The following ANO3 variants were observed in gnomAD, a reference collection of about 807,000 sequenced individuals.
ANO3 encodes the protein anoctamin 3.
Under a neutral mutation model 144.8 loss-of-function variants are expected in ANO3, and 99 were observed. The ratio of observed to expected loss-of-function variants is 0.68; its 90% CI spans 0.58 to 0.81. The LOEUF is 0.81. ANO3 is among the 30% of genes least tolerant of loss of function. ANO3 has a pLI of 0.00. For missense variants in ANO3, 905 were observed against 1,202.2 expected (o/e 0.75, Z 3.66); for synonymous variants, 414 against 392.6 (o/e 1.05, Z -0.64).
In ANO3 at chr11:26,542,142, A is replaced by G. The variant is rs1849662661; in HGVS notation, c.1154+74A>G. 6 of 1,516,888 alleles carry G rather than the reference A, an allele frequency of 4.0e-6. No homozygotes were observed. The South Asian group carries it at 5.2e-5, about 13-fold the overall frequency. 94.0% of individuals were successfully genotyped at this position (1,516,888 alleles called of 1,614,324 possible). A position where few individuals can be genotyped will look rare whatever the true frequency, so the allele number is the denominator to read the frequency against. ...CATTGTCTTAGACTTGGAATTATTTATTGTGCTCACCAGTGAGGATGCAGT... is the reference window on the plus strand; with the variant it reads ...CATTGTCTTAGACTTGGAATTATTTGTTGTGCTCACCAGTGAGGATGCAGT... On this transcript the variant is annotated intron_variant, in intron 11 of 26. Transcript: ENST00000256737.
intron 14 of ANO3, among the ~76,000 whole-genome samples, chr11:26,566,856 T>A (rs550302933): frequency 5.3e-4 from 81 of 152,072 alleles, no homozygotes; most frequent in African/African-American, 1.7e-3. Context: ...AGTTGCTTTA[T>A]CATCATTATA....
chr11:26,278,915 G>A (rs1055835469), intron 1 of ANO3, among the ~76,000 whole-genome samples: 15 of 152,138 alleles, frequency 9.9e-5, no homozygotes, highest in Admixed American at 6.6e-5. Context: ...TGTATACTAC[G>A]ATTCTTTTAT....
chr11:26,622,910 T>C (rs1369468868), intron 17 of ANO3, among the ~76,000 whole-genome samples: 3 of 152,238 alleles, frequency 2.0e-5, no homozygotes, highest in Non-Finnish European at 4.4e-5. Flanking sequence ...AACTCAGTGC[T>C]AGAGGCATAG....
chr11:26,242,032 T>C (rs1852674108), intron 1 of ANO3, among the ~76,000 whole-genome samples: 1 of 152,166 alleles, frequency 6.6e-6, no homozygotes, highest in African/African-American at 2.4e-5. Flanking sequence ...AACAGATGTA[T>C]AGTTTTCTGG....
In ANO3 at chr11:26,617,862, T is replaced by C. The variant is rs534361562; in HGVS notation, c.1837-6600T>C. Among the ~76,000 whole-genome samples the C allele has an allele frequency of 3.3e-4, 50 of 152,278 alleles. 1 individual carries two copies. Among genetic ancestry groups the C allele is most frequent in the African/African-American group, 1.1e-3 (45 of 41,570 alleles). On this transcript the variant is annotated intron_variant, in intron 17 of 26. Transcript: ENST00000256737. ...TTTCTATTCAGGATGTTAAAGCACA[T>C]CACAGATTACTAAATAGCCCTCTGA...
At chr11:26,316,837 T>C (rs1376986962) in intron 1 of ANO3, among the ~76,000 whole-genome samples, 1 of 152,204 alleles carries the variant, frequency 6.6e-6, no homozygotes, top group Non-Finnish European at 1.5e-5. Flanking sequence ...ATAGGCTCTC[T>C]GCAGGGGGAA....
At chr11:26,266,942 A>T (rs1853323514) in intron 1 of ANO3, among the ~76,000 whole-genome samples, 1 of 150,528 alleles carries the variant, frequency 6.6e-6, no homozygotes, top group Non-Finnish European at 1.5e-5. Flanking sequence ...AAAAAAAAAA[A>T]TTAGCCAGGC....
chr11:26,311,068 T>A (rs977255810), intron 1 of ANO3, among the ~76,000 whole-genome samples: 4 of 152,150 alleles, frequency 2.6e-5, no homozygotes, highest in Non-Finnish European at 1.5e-5. Context: ...AGAAAGGTGG[T>A]TTACGGAATG....
intron 1 of ANO3, among the ~76,000 whole-genome samples, chr11:26,413,381 G>A (rs1479121395): frequency 6.6e-6 from 1 of 151,878 alleles, no homozygotes; most frequent in Non-Finnish European, 1.5e-5. Flanking sequence ...AATATTTGAA[G>A]GTAAGGATGC....
chr11:26,237,528 T>C (rs1254079650), intron 1 of ANO3, among the ~76,000 whole-genome samples: 1 of 151,888 alleles, frequency 6.6e-6, no homozygotes, highest in East Asian at 1.9e-4. Flanking sequence ...ACAGTCATCA[T>C]AACACATAAA....
chr11:26,470,427 A>AG (rs1859739064), intron 4 of ANO3, among the ~76,000 whole-genome samples: 1 of 147,648 alleles, frequency 6.8e-6, no homozygotes, highest in Non-Finnish European at 1.5e-5. Context: ...AAAAAAAAAC[A>AG]GAAAAAAAAA....
At chr11:26,634,127 G>A (rs112846029) in intron 18 of ANO3, 77 bp from the exon 19 acceptor site, 9 of 732,488 alleles carry the variant, frequency 1.2e-5, no homozygotes, top group African/African-American at 5.4e-5. Flanking sequence ...CTTGAACTTG[G>A]GGTTTCTGCC....
At chr11:26,298,528 T>C (rs1854145039) in intron 1 of ANO3, among the ~76,000 whole-genome samples, 1 of 152,170 alleles carries the variant, frequency 6.6e-6, no homozygotes, top group African/African-American at 2.4e-5. Flanking sequence ...TAGAGCTCGT[T>C]TTCAAATAAT....
chr11:26,463,176 C>A, intron 4 of ANO3, 28 bp downstream of exon 4: 2 of 1,185,888 alleles, frequency 1.7e-6, no homozygotes, highest in East Asian at 2.4e-5. Context: ...ATCAATAAGT[C>A]ATTTTTAGAG....
At chr11:26,352,030 T>C (rs748423297) in intron 1 of ANO3, among the ~76,000 whole-genome samples, 2 of 152,190 alleles carry the variant, frequency 1.3e-5, no homozygotes, top group Non-Finnish European at 2.9e-5. Context: ...GGATTTTTCA[T>C]TGATCCTACT....
At chr11:26,248,011 G>T (rs990194199) in intron 1 of ANO3, among the ~76,000 whole-genome samples, 1 of 151,876 alleles carries the variant, frequency 6.6e-6, no homozygotes, top group East Asian at 2.0e-4. Flanking sequence ...GATTACAGGC[G>T]TGAGCCAACA....
intron 4 of ANO3, among the ~76,000 whole-genome samples, chr11:26,493,609 G>A (rs1382423143): frequency 3.3e-5 from 5 of 152,128 alleles, no homozygotes; most frequent in African/African-American, 1.2e-4. Flanking sequence ...AATTATATAT[G>A]ACTTTTTGCC....
At chr11:26,203,884 T>G (rs756236826) in intron 1 of ANO3, among the ~76,000 whole-genome samples, 17 of 152,182 alleles carry the variant, frequency 1.1e-4, no homozygotes, top group Non-Finnish European at 1.9e-4. Context: ...ACAACAGCAA[T>G]GGACAAGAGG....
chr11:26,200,109 G>C (rs1342507594), intron 1 of ANO3, among the ~76,000 whole-genome samples: 1 of 152,092 alleles, frequency 6.6e-6, no homozygotes, highest in Non-Finnish European at 1.5e-5. Flanking sequence ...AAAATGACCT[G>C]GGGAGCCTGA....
Sources: allele counts gnomAD v4.1 joint callset (sites outside exome capture counted in the v4.1 genomes callset), GRCh38; gene constraint gnomAD v4.1.1; transcripts MANE v1.5; gene names NCBI Gene and HGNC (gene_info 2026-07-23, HGNC 2026-07-21).